SORCS2: variants seen among roughly 807,000 people sequenced by gnomAD.
SORCS2 encodes sortilin related VPS10 domain containing receptor 2, also known as VPS10 domain-containing receptor SorCS2.
In SORCS2, 100 loss-of-function variants were observed where a neutral mutation model predicts 141.6. That is an observed-to-expected ratio of 0.71 (90% CI 0.60 to 0.83). The LOEUF (loss-of-function observed/expected upper bound fraction) is 0.83, where lower values mean the gene tolerates loss of function less well. Among genes scored for constraint, SORCS2 ranks in the 40% least tolerant of loss-of-function variants. The probability of loss-of-function intolerance (pLI) is 0.00; values close to 1 mark genes in which losing one functional copy is unlikely to be tolerated. For synonymous variants in SORCS2, 789 were observed against 676.9 expected, an observed-to-expected ratio of 1.17 and a Z score of -2.57; for missense variants, 1,646 against 1,560.2, an observed-to-expected ratio of 1.05 and a Z score of -0.93.
intron 1 of SORCS2, among the ~76,000 whole-genome samples, chr4:7,354,207 C>T (rs529401545): frequency 1.2e-4 from 19 of 152,260 alleles, no homozygotes; most frequent in African/African-American, 3.6e-4. Context: ...CAGCATCTCT[C>T]GGGGAAAGGC....
At chr4:7,494,515 T>TAG (rs60156498) in intron 2 of SORCS2, among the ~76,000 whole-genome samples, 70,174 of 150,456 alleles carry the variant, frequency 0.47, 17,521 homozygotes, top group African/African-American at 0.64. Flanking sequence ...TCTCATGGTG[T>TAG]AGAGAGAGAG....
intron 2 of SORCS2, among the ~76,000 whole-genome samples, chr4:7,490,704 G>C (rs902750236): frequency 1.3e-5 from 2 of 152,180 alleles, no homozygotes; most frequent in African/African-American, 4.8e-5. Context: ...TGAAATGGGG[G>C]CAGGTTGTTT....
At chr4:7,408,090 A>G (rs1053945170) in intron 2 of SORCS2, among the ~76,000 whole-genome samples, 2 of 152,074 alleles carry the variant, frequency 1.3e-5, no homozygotes, top group African/African-American at 4.8e-5. Context: ...TTCATACTAG[A>G]GTTATGAGTG....
At chr4:7,317,069 C>T (rs1403119451) in intron 1 of SORCS2, among the ~76,000 whole-genome samples, 1 of 152,126 alleles carries the variant, frequency 6.6e-6, no homozygotes, top group East Asian at 1.9e-4. Flanking sequence ...GTTGGGACAC[C>T]AGAATAAAGC....
intron 2 of SORCS2, among the ~76,000 whole-genome samples, chr4:7,490,289 A>G (rs1207299266): frequency 2.0e-5 from 3 of 152,118 alleles, no homozygotes; most frequent in African/African-American, 4.8e-5. Context: ...GGGGAGCTCA[A>G]CACAGCTCAG....
chr4:7,473,732 G>A (rs889430903), intron 2 of SORCS2, among the ~76,000 whole-genome samples: 1 of 152,066 alleles, frequency 6.6e-6, no homozygotes, highest in African/African-American at 2.4e-5. Flanking sequence ...CTGGGAGGCT[G>A]TGACTTGGCA....
At position 7,193,615 on chromosome 4, in the gene SORCS2, C is replaced by T. The variant is rs1391396320; in HGVS notation, c.480+489C>T. ...CAGGCTCCGGGACTTCCCCGGTCAG[C>T]TCGAATCCTGTTCTGGGACTCTGGG... On this transcript the variant is annotated intron_variant, in intron 1 of 26. Transcript: ENST00000507866. The surrounding 1 kb of genome is among the most constrained non-coding windows in gnomAD (Gnocchi z 4.8). Among the ~76,000 whole-genome samples the T allele has an allele frequency of 6.6e-6, 1 of 152,218 alleles. No individual in the cohort carries two copies. The highest frequency in any genetic ancestry group is 2.4e-5 in the African/African-American group (1 of 41,468).
At chr4:7,216,426 C>G (rs1255351282) in intron 1 of SORCS2, among the ~76,000 whole-genome samples, 1 of 152,208 alleles carries the variant, frequency 6.6e-6, no homozygotes, top group Non-Finnish European at 1.5e-5. Flanking sequence ...ACAAACTGCA[C>G]AAACTCAGTG....
intron 1 of SORCS2, among the ~76,000 whole-genome samples, chr4:7,387,805 CACACACAGAT>C (rs1418137280): frequency 5.5e-5 from 8 of 146,440 alleles, no homozygotes; most frequent in African/African-American, 2.0e-4. Context: ...TGCTCACATG[CACACACAGAT>C]ACAGAGATAC....
intron 1 of SORCS2, among the ~76,000 whole-genome samples, chr4:7,382,286 C>A (rs888393152): frequency 1.3e-5 from 2 of 152,124 alleles, no homozygotes; most frequent in African/African-American, 4.8e-5. Flanking sequence ...CAGTGGGAGA[C>A]CCTGATCATG....
intron 1 of SORCS2, among the ~76,000 whole-genome samples, chr4:7,388,391 C>G: frequency 6.6e-6 from 1 of 152,080 alleles, no homozygotes; most frequent in Admixed American, 6.5e-5. Flanking sequence ...GGGACCCGCC[C>G]GATGGGGGAG....
At chr4:7,307,076 G>A (rs1717883611) in intron 1 of SORCS2, among the ~76,000 whole-genome samples, 1 of 152,222 alleles carries the variant, frequency 6.6e-6, no homozygotes. Context: ...CTGTGATTGG[G>A]AGAAACCGAG....
chr4:7,724,921 G>GGCAGTGAT (rs1560115089), intron 19 of SORCS2, among the ~76,000 whole-genome samples: 1 of 38,858 alleles, frequency 2.6e-5, no homozygotes. Flanking sequence ...TGGTGGGAAT[G>GGCAGTGAT]GATGGTGGTA....
chr4:7,349,613 G>A (rs575060876), intron 1 of SORCS2, among the ~76,000 whole-genome samples: 19 of 152,268 alleles, frequency 1.2e-4, no homozygotes, highest in Middle Eastern at 3.4e-3. Context: ...CATGTCCTTC[G>A]CCACCCAGTG....
At chr4:7,645,797 T>C (rs1721035339) in intron 4 of SORCS2, among the ~76,000 whole-genome samples, 1 of 152,214 alleles carries the variant, frequency 6.6e-6, no homozygotes, top group Non-Finnish European at 1.5e-5. Flanking sequence ...TTACCATAGC[T>C]GTGTGCCAGT....
In SORCS2 at chr4:7,230,791, G is replaced by T. The variant is rs149439142; in HGVS notation, c.480+37665G>T. ...TGTGCTCATGTATGATGGAGATGAA[G>T]ATGGTAAAGTCTTCGAGTGTCTGGG... is the stretch of plus-strand genomic sequence containing the variant. On this transcript the variant is annotated intron_variant, in intron 1 of 26. Transcript: ENST00000507866. 3.8e-3 allele frequency among the ~76,000 whole-genome samples: 579 copies of T among 151,868 alleles called. 6 individuals are homozygous for T. The highest frequency in any genetic ancestry group is 0.013 in the African/African-American group (551 of 41,354).
At chr4:7,272,462 T>C (rs373783180) in intron 1 of SORCS2, among the ~76,000 whole-genome samples, 104 of 152,350 alleles carry the variant, frequency 6.8e-4, no homozygotes, top group African/African-American at 2.2e-3. Context: ...AATAATGGAA[T>C]GTACAGATAT....
chr4:7,330,289 G>A (rs75175255), intron 1 of SORCS2, among the ~76,000 whole-genome samples: 1,905 of 152,072 alleles, frequency 0.013, 38 homozygotes, highest in African/African-American at 0.044. Flanking sequence ...CACGTGAGGC[G>A]ACGTTCCCAG....
At chr4:7,285,998 G>A (rs563123424) in intron 1 of SORCS2, among the ~76,000 whole-genome samples, 11 of 152,282 alleles carry the variant, frequency 7.2e-5, no homozygotes, top group Non-Finnish European at 1.3e-4. Flanking sequence ...CACGGCGGCC[G>A]GCACCGTGCT....
Sources: allele counts gnomAD v4.1 joint callset (sites outside exome capture counted in the v4.1 genomes callset), GRCh38; gene constraint gnomAD v4.1.1; non-coding constraint Gnocchi (gnomAD v3.1); transcripts MANE v1.5; gene names NCBI Gene and HGNC (gene_info 2026-07-23, HGNC 2026-07-21).